CLTRN: variants seen among roughly 807,000 people sequenced by gnomAD.
CLTRN encodes collectrin, amino acid transport regulator.
In CLTRN, 12 loss-of-function variants were observed where a neutral mutation model predicts 14.5. That is an observed-to-expected ratio of 0.83 (90% CI 0.53 to 1.34). The LOEUF is 1.34. Among genes scored for constraint, CLTRN ranks in the 40% most tolerant of loss-of-function variants. The pLI is 0.00. For synonymous variants in CLTRN, 58 were observed against 56.5 expected (o/e 1.03, Z -0.12); for missense variants, 154 against 165.1 (o/e 0.93, Z 0.37).
chrX:15,639,908 G>T, intron 4 of CLTRN, 152 bp from the exon 5 acceptor site: 1 of 530,797 alleles, frequency 1.9e-6, no homozygotes, highest in Non-Finnish European at 3.0e-6. Flanking sequence ...AAAGTTTGCT[G>T]AGGGCAATCA....
At chrX:15,654,489 G>C (rs1005520785) in intron 3 of CLTRN, among the ~76,000 whole-genome samples, 1 of 111,631 alleles carries the variant, frequency 9.0e-6, no homozygotes, top group Non-Finnish European at 1.9e-5. Context: ...AGTAAATCTG[G>C]CCTAAATCAT....
upstream of CLTRN, among the ~76,000 whole-genome samples, chrX:15,668,765 G>A (rs1464967872): frequency 9.0e-6 from 1 of 111,408 alleles, no homozygotes; most frequent in African/African-American, 3.3e-5. Flanking sequence ...TGGACCATGT[G>A]CATTTTAGAG....
chrX:15,649,108 G>A (rs1232497529), intron 3 of CLTRN, among the ~76,000 whole-genome samples: 1 of 111,242 alleles, frequency 9.0e-6, no homozygotes, highest in Non-Finnish European at 1.9e-5. Flanking sequence ...TTGCTAAGGA[G>A]GTGGAGACAA....
intron 3 of CLTRN, among the ~76,000 whole-genome samples, chrX:15,648,541 G>A (rs139386730): frequency 0.031 from 3,464 of 111,246 alleles, 135 homozygotes; most frequent in African/African-American, 0.1. Context: ...GGCCTGGCAC[G>A]GTAGCTCACG....
At chrX:15,666,956 G>A (rs1929632078), upstream of CLTRN, among the ~76,000 whole-genome samples, 1 of 112,186 alleles carries the variant, frequency 8.9e-6, no homozygotes, top group Non-Finnish European at 1.9e-5. Context: ...CTGCTTCAGC[G>A]GCTGGGCACA....
At chrX:15,665,169 A>G (rs755724049), upstream of CLTRN, 8 of 128,952 alleles carry the variant, frequency 6.2e-5, no homozygotes, top group South Asian at 1.5e-3. Context: ...CGAGGCTGAG[A>G]TACCTGGTTC....
intron 1 of CLTRN, among the ~76,000 whole-genome samples, chrX:15,674,118 TTGAATGAA>T (rs753662305): frequency 2.0e-4 from 23 of 112,517 alleles, no homozygotes; most frequent in African/African-American, 5.8e-4. Context: ...TAAATCTGTC[TTGAATGAA>T]TGAATGAATG....
chrX:15,667,844 G>A (rs1929651271), upstream of CLTRN, among the ~76,000 whole-genome samples: 1 of 111,567 alleles, frequency 9.0e-6, no homozygotes, highest in Non-Finnish European at 1.9e-5. Flanking sequence ...TCAGCTCCCA[G>A]AGTAGAAACA....
At chrX:15,666,098 A>C (rs758792499), upstream of CLTRN, among the ~76,000 whole-genome samples, 36 of 111,993 alleles carry the variant, frequency 3.2e-4, no homozygotes, top group African/African-American at 1.0e-3. Flanking sequence ...AGTGGGTGGG[A>C]GGAGGGAGAG....
chrX:15,633,274 T>C (rs1928743670), intron 5 of CLTRN, among the ~76,000 whole-genome samples: 1 of 112,645 alleles, frequency 8.9e-6, no homozygotes, highest in Admixed American at 9.4e-5. Flanking sequence ...ATCATCTCAC[T>C]TAATTCTTAC....
chrX:15,632,532 C>T (rs1282240268), intron 5 of CLTRN, among the ~76,000 whole-genome samples: 1 of 107,855 alleles, frequency 9.3e-6, no homozygotes, highest in Non-Finnish European at 1.9e-5. Flanking sequence ...GAGCAGAGTT[C>T]GCACCAATGC....
At chrX:15,634,328 T>C (rs896767950) in intron 5 of CLTRN, among the ~76,000 whole-genome samples, 6 of 111,613 alleles carry the variant, frequency 5.4e-5, no homozygotes, top group Non-Finnish European at 1.1e-4. Flanking sequence ...ATTTTCCTTA[T>C]GTGACCTGCT....
intron 3 of CLTRN, among the ~76,000 whole-genome samples, chrX:15,657,267 T>C (rs1276020419): frequency 8.9e-6 from 1 of 112,552 alleles, no homozygotes; most frequent in Non-Finnish European, 1.9e-5. Context: ...CCCAAAGTTT[T>C]GGGATTGGAG....
intron 5 of CLTRN, among the ~76,000 whole-genome samples, chrX:15,635,461 G>A (rs1448475835): frequency 6.3e-5 from 7 of 111,971 alleles, no homozygotes; most frequent in Admixed American, 9.5e-5. Context: ...AGAATAGCAA[G>A]GACAGAAATA....
chrX:15,671,841 C>CGT (rs1569257506), intron 1 of CLTRN, among the ~76,000 whole-genome samples: 6 of 59,595 alleles, frequency 1.0e-4, no homozygotes, highest in Admixed American at 2.3e-4. Context: ...TAATTTTATG[C>CGT]GCGCACACAC....
intron 5 of CLTRN, among the ~76,000 whole-genome samples, chrX:15,628,826 C>T (rs923979021): frequency 1.8e-5 from 2 of 112,006 alleles, no homozygotes; most frequent in Non-Finnish European, 3.8e-5. Flanking sequence ...TTCCATATGA[C>T]AGGATAAATT....
chrX:15,648,714 G>A (rs936737012), intron 3 of CLTRN, among the ~76,000 whole-genome samples: 2 of 110,025 alleles, frequency 1.8e-5, no homozygotes, highest in Admixed American at 1.9e-4. Context: ...AGGAGGCTGA[G>A]GCAGGAGAAT....
chrX:15,638,771 G>C (rs1350384844), intron 5 of CLTRN, among the ~76,000 whole-genome samples: 2 of 111,833 alleles, frequency 1.8e-5, no homozygotes, highest in African/African-American at 6.5e-5. Flanking sequence ...CCCTCTTGAA[G>C]CAGTATCAAT....
chrX:15,649,543 G>C (rs1046044064), intron 3 of CLTRN, among the ~76,000 whole-genome samples: 1 of 111,427 alleles, frequency 9.0e-6, no homozygotes, highest in Non-Finnish European at 1.9e-5. Flanking sequence ...AAGTCATTTC[G>C]CTGTCTATGA....
Sources: gnomAD v4.1 joint callset for allele counts (sites outside exome capture counted in the v4.1 genomes callset) on GRCh38, gnomAD v4.1.1 for gene constraint, MANE v1.5 for transcripts, NCBI Gene and HGNC (gene_info 2026-07-23, HGNC 2026-07-21) for gene names.